Variants in ARHGEF33 observed in about 807,000 individuals in gnomAD.
ARHGEF33 encodes the protein DH and coiled-coil domain-containing protein ENSP00000381780.
Under a neutral mutation model 101.9 loss-of-function variants are expected in ARHGEF33, and 72 were observed. That is an observed-to-expected ratio of 0.71 (90% CI 0.58 to 0.86). The LOEUF is 0.86. Among genes scored for constraint, ARHGEF33 ranks in the 40% least tolerant of loss-of-function variants. The probability of loss-of-function intolerance (pLI) is 0.00; values close to 1 mark genes in which losing one functional copy is unlikely to be tolerated. For synonymous variants in ARHGEF33, 499 were observed against 442.5 expected (o/e 1.13, Z -1.60); for missense variants, 1,169 against 1,111.3 (o/e 1.05, Z -0.74).
At chr2:38,928,115 A>G in intron 4 of ARHGEF33, among the ~76,000 whole-genome samples, 1 of 152,192 alleles carries the variant, frequency 6.6e-6, no homozygotes. Flanking sequence ...ATGGATGAGG[A>G]AACTGCTACA....
intron 2 of ARHGEF33, among the ~76,000 whole-genome samples, chr2:38,900,868 C>T (rs901627946): frequency 2.0e-5 from 3 of 152,210 alleles, no homozygotes; most frequent in Non-Finnish European, 4.4e-5. Context: ...ACAGGGTGAT[C>T]TCTTCCTGGA....
chr2:38,891,124 G>A (rs1035988295), intron 1 of ARHGEF33, among the ~76,000 whole-genome samples: 1 of 151,826 alleles, frequency 6.6e-6, no homozygotes, highest in African/African-American at 2.4e-5. Context: ...TGTAGAGATG[G>A]GGTTTCGTCA....
intron 17 of ARHGEF33, among the ~76,000 whole-genome samples, chr2:38,966,500 G>C (rs1461296359): frequency 6.6e-6 from 1 of 152,152 alleles, no homozygotes; most frequent in African/African-American, 2.4e-5. Context: ...TTGGGGTTGG[G>C]TGTCATGGGT....
At position 38,960,347 on chromosome 2, in the gene ARHGEF33, C is replaced by A; in HGVS notation, c.2042C>A (p.Thr681Lys). The change falls in exon 16 of 18, where the codon ACG becomes AAG. Residue 681 changes from threonine to lysine, a missense_variant. Thr to Lys is a moderately conservative substitution (Grantham distance 78). Transcript: ENST00000409978. ...CTGCAGCCGCTGCCCAAGAGCGCTACGTCGCCGGCGGGCAGCAGCAGCGCC... is the reference window on the plus strand; with the variant it reads ...CTGCAGCCGCTGCCCAAGAGCGCTAAGTCGCCGGCGGGCAGCAGCAGCGCC... ...HPLQPLPKSA[T>K]SPAGSSSAYK... 6.5e-7 allele frequency: 1 copy of A among 1,533,440 alleles called. No individual in the cohort carries two copies. Among genetic ancestry groups the A allele is most frequent in the Non-Finnish European group, 8.7e-7 (1 of 1,143,458 alleles). 95.0% of individuals were successfully genotyped at this position (1,533,440 alleles called of 1,614,324 possible). A position where few individuals can be genotyped will look rare whatever the true frequency, so the allele number is the denominator to read the frequency against.
chr2:38,936,976 CA>C lies in ARHGEF33; in HGVS notation c.566-347del, dbSNP rs1167583525. The C allele has an allele frequency of 5.4e-3, 624 of 116,008 alleles. 1 individual carries two copies. Among genetic ancestry groups the C allele is most frequent in the Admixed American group, 7.6e-3 (86 of 11,290 alleles). 7.2% of individuals were successfully genotyped at this position (116,008 alleles called of 1,614,324 possible). On this transcript the variant is annotated intron_variant, in intron 8 of 17. Coordinates refer to ENST00000409978, the MANE Select transcript of ARHGEF33 (RefSeq NM_001145451.5). ...GGGTGACAAAAGCGAAACTCCGTCT[CA>C]AAAAAAAAAAAGTAACAAACTTTTT...
At chr2:38,947,960 C>G (rs764840523) in intron 10 of ARHGEF33, among the ~76,000 whole-genome samples, 7 of 152,206 alleles carry the variant, frequency 4.6e-5, no homozygotes, top group African/African-American at 7.2e-5. Context: ...CAAACTATAA[C>G]TGGATTTTTC....
At chr2:38,945,737 G>A (rs551130402) in intron 10 of ARHGEF33, among the ~76,000 whole-genome samples, 5 of 152,314 alleles carry the variant, frequency 3.3e-5, no homozygotes, top group South Asian at 2.1e-4. Context: ...CTGGGGAGGC[G>A]GGGTAAGTCA....
intron 2 of ARHGEF33, among the ~76,000 whole-genome samples, chr2:38,914,111 T>G (rs149600887): frequency 6.6e-6 from 1 of 152,300 alleles, no homozygotes; most frequent in African/African-American, 2.4e-5. Flanking sequence ...CACTATTGGC[T>G]GGAATGCAGG....
rs546430517 is a variant in ARHGEF33 at position 38,967,742 on chromosome 2, A to ATT, written c.2483+1614_2483+1615dup. ...AGGTGCCCGCCACCACGCCCTGGCT[A>ATT]TTTTTTTTTTTTTTTTTTGTAGAGA... is the stretch of plus-strand genomic sequence containing the variant. On this transcript the variant is annotated intron_variant, in intron 17 of 17. Transcript: ENST00000409978. 4.7e-3 allele frequency among the ~76,000 whole-genome samples: 608 copies of ATT among 128,332 alleles called. 10 individuals carry two copies. The highest frequency in any genetic ancestry group is 0.016 in the African/African-American group (568 of 34,728). The allele number at this position is 128,332 out of a possible 152,430, so 84.2% of individuals were successfully genotyped here.
chr2:38,958,349 C>A (rs1265673313), intron 15 of ARHGEF33, among the ~76,000 whole-genome samples, 151 bp downstream of exon 15: 1 of 152,132 alleles, frequency 6.6e-6, no homozygotes, highest in African/African-American at 2.4e-5. Context: ...TTCTTGGGTC[C>A]CAGAGGAAGG....
At chr2:38,924,533 A>G (rs1011423642) in intron 4 of ARHGEF33, among the ~76,000 whole-genome samples, 4 of 152,184 alleles carry the variant, frequency 2.6e-5, no homozygotes, top group East Asian at 3.8e-4. Context: ...CACTCATACT[A>G]ATGATTTCAA....
chr2:38,906,226 A>G (rs1666387222), intron 2 of ARHGEF33, among the ~76,000 whole-genome samples: 1 of 151,938 alleles, frequency 6.6e-6, no homozygotes, highest in African/African-American at 2.4e-5. Context: ...TCTGAAGAAC[A>G]GGATTGCTAT....
intron 5 of ARHGEF33, 70 bp downstream of exon 5, chr2:38,929,141 C>T: frequency 8.0e-7 from 1 of 1,244,542 alleles, no homozygotes; most frequent in Non-Finnish European, 1.1e-6. Flanking sequence ...GAAAACTTGC[C>T]TTTTTCTGGC....
At chr2:38,956,840 A>G in intron 13 of ARHGEF33, 59 bp from the exon 14 acceptor site, 1 of 1,536,614 alleles carries the variant, frequency 6.5e-7, no homozygotes, top group Non-Finnish European at 8.8e-7. Context: ...GGTGCAGAAG[A>G]GAAAAAACAA....
intron 11 of ARHGEF33, among the ~76,000 whole-genome samples, chr2:38,951,695 A>G (rs1441219366): frequency 6.6e-6 from 1 of 152,156 alleles, no homozygotes; most frequent in African/African-American, 2.4e-5. Flanking sequence ...CTGTGTGTAT[A>G]TATACACAAA....
chr2:38,961,424 G>C (rs1667936841), intron 16 of ARHGEF33, among the ~76,000 whole-genome samples: 1 of 152,084 alleles, frequency 6.6e-6, no homozygotes, highest in African/African-American at 2.4e-5. Context: ...CAAGCCTGGA[G>C]GGCATTTAAA....
chr2:38,963,103 T>C (rs1248617452), intron 16 of ARHGEF33, among the ~76,000 whole-genome samples: 2 of 151,458 alleles, frequency 1.3e-5, no homozygotes, highest in African/African-American at 4.9e-5. Context: ...GCAGAGACCA[T>C]GTGGGTATAC....
chr2:38,957,263 C>T (rs1667790346), intron 14 of ARHGEF33, among the ~76,000 whole-genome samples: 1 of 152,198 alleles, frequency 6.6e-6, no homozygotes, highest in Non-Finnish European at 1.5e-5. Context: ...CTTCACTCTA[C>T]TGCTTACATA....
intron 14 of ARHGEF33, 89 bp downstream of exon 14, chr2:38,957,136 G>A: frequency 6.9e-7 from 1 of 1,445,450 alleles, no homozygotes; most frequent in Non-Finnish European, 9.5e-7. Context: ...TTAAGTACCT[G>A]AAATGCAGTG....
Sources: allele counts gnomAD v4.1 joint callset (sites outside exome capture counted in the v4.1 genomes callset), GRCh38; gene constraint gnomAD v4.1.1; transcripts MANE v1.5; gene names NCBI Gene and HGNC (gene_info 2026-07-23, HGNC 2026-07-21).